Variants in IGSF21 observed in about 807,000 individuals in gnomAD.
IGSF21 encodes immunoglobulin superfamily member 21.
In IGSF21, 28 loss-of-function variants were observed where a neutral mutation model predicts 46.8. That is an observed-to-expected ratio of 0.60 (90% CI 0.44 to 0.82). The LOEUF is 0.82. Among genes scored for constraint, IGSF21 ranks in the 40% least tolerant of loss-of-function variants. IGSF21 has a pLI of 0.00. For missense variants in IGSF21, 624 were observed against 665.5 expected (o/e 0.94, Z 0.69); for synonymous variants, 284 against 273.6 (o/e 1.04, Z -0.38).
chr1:18,266,568 G>A (rs1032977371), intron 2 of IGSF21, among the ~76,000 whole-genome samples: 1 of 152,228 alleles, frequency 6.6e-6, no homozygotes, highest in Non-Finnish European at 1.5e-5. Context: ...ATCCTCCAGT[G>A]GGCTGGCCCA....
intron 4 of IGSF21, among the ~76,000 whole-genome samples, chr1:18,347,861 C>A (rs939427118): frequency 6.6e-6 from 1 of 152,158 alleles, no homozygotes; most frequent in Admixed American, 6.5e-5. Flanking sequence ...CTTACAAATC[C>A]TTTGATTCAA....
At position 18,273,433 on chromosome 1, in the gene IGSF21, T is replaced by TC. The variant is rs747432523; in HGVS notation, c.184-18432dup. Among the ~76,000 whole-genome samples the TC allele has an allele frequency of 9.0e-4, 120 of 132,876 alleles. 9 individuals carry two copies. The highest frequency in any genetic ancestry group is 3.3e-3 in the Admixed American group (40 of 12,048). 87.2% of individuals were successfully genotyped at this position (132,876 alleles called of 152,430 possible). A position where few individuals can be genotyped will look rare whatever the true frequency, so the allele number is the denominator to read the frequency against. The stretch of plus-strand genomic sequence containing the variant: ...TCCTTTCTTTTCCTTTCCTTTCCTT[T>TC]CTTTCTTTCTCACTTTCTTTCTTTC... On this transcript the variant is annotated intron_variant, in intron 2 of 9. Coordinates refer to ENST00000251296, the MANE Select transcript of IGSF21 (RefSeq NM_032880.5).
intron 4 of IGSF21, among the ~76,000 whole-genome samples, chr1:18,342,225 C>T (rs2085850398): frequency 6.6e-6 from 1 of 152,064 alleles, no homozygotes; most frequent in Admixed American, 6.5e-5. Flanking sequence ...TCCCAAGTAA[C>T]TGGGGTTACA....
Position 18,362,040 on chromosome 1 carries a change from A to G in IGSF21, c.425-75A>G, listed in dbSNP as rs1002122200. 26 of 1,048,984 alleles carry G rather than the reference A, an allele frequency of 2.5e-5. 1 individual carries two copies. The highest frequency in any genetic ancestry group is 8.3e-5 in the Admixed American group (4 of 48,202). 65.0% of individuals were successfully genotyped at this position (1,048,984 alleles called of 1,614,324 possible). A position where few individuals can be genotyped will look rare whatever the true frequency, so the allele number is the denominator to read the frequency against. ...CCGGCACCCAGCATGGACGTGGCCC[A>G]TCTTAGGTCATCAGTGAACTCTTCC... On this transcript the variant is annotated intron_variant, in intron 4 of 9. Transcript: ENST00000251296.
At chr1:18,121,786 C>G (rs1341068464) in intron 1 of IGSF21, among the ~76,000 whole-genome samples, 1 of 152,120 alleles carries the variant, frequency 6.6e-6, no homozygotes, top group Non-Finnish European at 1.5e-5. Flanking sequence ...AAAATTTCAC[C>G]CACACCCCCA....
At chr1:18,307,459 A>G (rs887800091) in intron 3 of IGSF21, among the ~76,000 whole-genome samples, 1 of 152,206 alleles carries the variant, frequency 6.6e-6, no homozygotes, top group Non-Finnish European at 1.5e-5. Flanking sequence ...ACAACGAAGC[A>G]GGTCCTGTTA....
At chr1:18,241,485 G>A (rs2084727376) in intron 2 of IGSF21, among the ~76,000 whole-genome samples, 2 of 152,186 alleles carry the variant, frequency 1.3e-5, no homozygotes, top group African/African-American at 4.8e-5. Flanking sequence ...CTAGATAGTG[G>A]TTGAGTCAAA....
intron 1 of IGSF21, among the ~76,000 whole-genome samples, chr1:18,159,661 T>G (rs950389790): frequency 1.3e-5 from 2 of 150,744 alleles, no homozygotes; most frequent in Admixed American, 1.3e-4. Context: ...TTTTTCTTTA[T>G]AAATCACCCA....
intron 2 of IGSF21, among the ~76,000 whole-genome samples, chr1:18,255,937 A>G (rs1364272557): frequency 1.3e-5 from 2 of 152,180 alleles, no homozygotes; most frequent in Non-Finnish European, 1.5e-5. Flanking sequence ...TTCAAGATGC[A>G]CATCTGATGG....
intron 6 of IGSF21, among the ~76,000 whole-genome samples, chr1:18,372,170 A>G (rs1312126934): frequency 6.6e-6 from 1 of 152,168 alleles, no homozygotes; most frequent in African/African-American, 2.4e-5. Flanking sequence ...GCTCAGAACA[A>G]CCCCAACATA....
chr1:18,376,252 C>T (rs2086279113), intron 6 of IGSF21, 58 bp from the exon 7 acceptor site: 2 of 1,181,724 alleles, frequency 1.7e-6, no homozygotes, highest in Admixed American at 1.7e-5. Context: ...CTTTCTCTTC[C>T]ATGTACCCTG....
intron 3 of IGSF21, among the ~76,000 whole-genome samples, chr1:18,305,516 GGATGGATGGATTATGA>G (rs1175637465): frequency 1.4e-5 from 2 of 143,164 alleles, no homozygotes; most frequent in African/African-American, 5.2e-5. Context: ...ATGGATGAAT[GGATGGATGGATTATGA>G]ATGGATGGAT....
chr1:18,136,104 G>C (rs2086365991), intron 1 of IGSF21, among the ~76,000 whole-genome samples: 1 of 152,032 alleles, frequency 6.6e-6, no homozygotes, highest in South Asian at 2.1e-4. Context: ...CTTTTTGATG[G>C]GGTTGTTTTT....
chr1:18,375,980 T>A (rs2086276638), intron 6 of IGSF21: 1 of 256,628 alleles, frequency 3.9e-6, no homozygotes. Context: ...TGGGCCTCTC[T>A]GATCTTGTCC....
At chr1:18,239,759 C>A (rs558573862) in intron 2 of IGSF21, among the ~76,000 whole-genome samples, 9 of 152,288 alleles carry the variant, frequency 5.9e-5, no homozygotes, top group Non-Finnish European at 7.3e-5. Flanking sequence ...GTTGCCCCCC[C>A]TCCCCGCCAC....
chr1:18,277,100 A>G (rs955314835), intron 2 of IGSF21, among the ~76,000 whole-genome samples: 1 of 152,154 alleles, frequency 6.6e-6, no homozygotes. Context: ...CCTTGAATAG[A>G]TCGCCTGGCC....
chr1:18,205,687 G>A (rs1308348590), intron 1 of IGSF21, among the ~76,000 whole-genome samples: 1 of 152,196 alleles, frequency 6.6e-6, no homozygotes. Flanking sequence ...GAACTGGGAG[G>A]AGGACTGACT....
intron 3 of IGSF21, among the ~76,000 whole-genome samples, chr1:18,292,364 G>A (rs918936135): frequency 6.6e-6 from 1 of 152,214 alleles, no homozygotes; most frequent in Non-Finnish European, 1.5e-5. Flanking sequence ...AGTTCTGCCC[G>A]GCTTGGAAGC....
At chr1:18,237,257 T>G (rs1047720830) in intron 2 of IGSF21, among the ~76,000 whole-genome samples, 2 of 152,242 alleles carry the variant, frequency 1.3e-5, no homozygotes, top group Middle Eastern at 3.4e-3. Context: ...GCTCTACCAT[T>G]TAATTAACTC....
Sources: allele counts gnomAD v4.1 joint callset (sites outside exome capture counted in the v4.1 genomes callset), GRCh38; gene constraint gnomAD v4.1.1; transcripts MANE v1.5; gene names NCBI Gene and HGNC (gene_info 2026-07-23, HGNC 2026-07-21).